POMT2: variants seen among roughly 807,000 people sequenced by gnomAD.
The protein encoded by POMT2 is protein O-mannosyltransferase 2, also known as protein O-mannosyl-transferase 2.
Under a neutral mutation model 100.0 loss-of-function variants are expected in POMT2, and 75 were observed. The observed-to-expected ratio is 0.75, with a 90% CI of 0.62 to 0.91. The LOEUF (loss-of-function observed/expected upper bound fraction) is 0.91, where lower values mean the gene tolerates loss of function less well. POMT2 is among the 40% of genes least tolerant of loss of function. The probability of loss-of-function intolerance (pLI) is 0.00; values close to 1 mark genes in which losing one functional copy is unlikely to be tolerated. For missense variants in POMT2, 940 were observed against 955.1 expected (o/e 0.98, Z 0.21); for synonymous variants, 378 against 374.1 (o/e 1.01, Z -0.12).
intron 9 of POMT2, among the ~76,000 whole-genome samples, chr14:77,292,546 C>T (rs562336258): frequency 1.3e-5 from 2 of 152,174 alleles, no homozygotes; most frequent in Non-Finnish European, 1.5e-5. Flanking sequence ...AGACTATATA[C>T]GTCCAATTAT....
At position 77,286,738 on chromosome 14, in the gene POMT2, A is replaced by G. The variant is rs753955096; in HGVS notation, c.1332+6T>C. 6.8e-6 allele frequency: 11 copies of G among 1,612,182 alleles called. No homozygotes were observed. In the South Asian group the frequency reaches 1.1e-4, roughly 16 times the overall value. ...CGTCCTACTCACATCCCCGTTGCTT[A>G]CTTACTATGCCATAGCCGGTGACCT... is the stretch of plus-strand genomic sequence containing the variant. On this transcript the variant is annotated splice_donor_region_variant and intron_variant, in intron 12 of 20. Coordinates refer to ENST00000261534, the MANE Select transcript of POMT2 (RefSeq NM_013382.7).
chr14:77,299,247 C>T (rs1566655009), intron 7 of POMT2, among the ~76,000 whole-genome samples: 1 of 152,196 alleles, frequency 6.6e-6, no homozygotes, highest in Admixed American at 6.5e-5. Flanking sequence ...ACGAAAATAG[C>T]TTCTTCCTTC....
intron 1 of POMT2, 28 bp downstream of exon 1, chr14:77,320,406 T>C: frequency 6.5e-7 from 1 of 1,544,764 alleles, no homozygotes; most frequent in Non-Finnish European, 8.7e-7. Flanking sequence ...GTTGCCATGG[T>C]GCCCGCCGAG....
Position 77,278,861 on chromosome 14 carries a change from G to A in POMT2, c.1900C>T (p.Gln634Ter), listed in dbSNP as rs1200536141. Residue 634 changes from glutamine to a stop codon, truncating the protein, a stop_gained, in exon 19 of 21, where the codon CAG becomes TAG. Coordinates refer to ENST00000261534, the MANE Select transcript of POMT2 (RefSeq NM_013382.7). LOFTEE classifies it high-confidence loss of function. The part of the protein sequence containing the change: ...RLPAEVAGLS[Q>*]VLLRGGGQVL... ...TGGCCGCCTCCTCGAAGCAGGACCT[G>A]GGACAACCCTGGGCCCAAGCAGCAC... 6.2e-6 allele frequency: 10 copies of A among 1,613,046 alleles called. No homozygotes were observed. The highest frequency in any genetic ancestry group is 8.5e-6 in the Non-Finnish European group (10 of 1,179,760).
intron 16 of POMT2, 61 bp from the exon 17 acceptor site, chr14:77,280,141 G>C: frequency 6.2e-7 from 1 of 1,612,184 alleles, no homozygotes; most frequent in Non-Finnish European, 8.5e-7. Flanking sequence ...ACACCCATTA[G>C]GGGGAGGAAG....
chr14:77,298,438 C>T (rs1055750479), intron 8 of POMT2, among the ~76,000 whole-genome samples: 1 of 152,216 alleles, frequency 6.6e-6, no homozygotes. Flanking sequence ...GAGTGACCTT[C>T]CCACAGAGCT....
At position 77,304,823 on chromosome 14, in the gene POMT2, G is replaced by A. The variant is rs771282239; in HGVS notation, c.439-23C>T. The A allele has an allele frequency of 8.3e-6, 13 of 1,566,522 alleles. No individual in the cohort carries two copies. The Middle Eastern group carries it at 5.3e-4, about 64-fold the overall frequency. ...GAACTGTGGGAGGAATAGAGAAGCT[G>A]TCAAATAACAAGCTGAGCTAGGTCA... On this transcript the variant is annotated intron_variant, in intron 3 of 20. Coordinates refer to ENST00000261534, the MANE Select transcript of POMT2 (RefSeq NM_013382.7).
chr14:77,314,442 C>T (rs1891554502), intron 1 of POMT2, among the ~76,000 whole-genome samples: 3 of 152,054 alleles, frequency 2.0e-5, no homozygotes, highest in Admixed American at 2.0e-4. Flanking sequence ...TGTCAGCATG[C>T]AAAAAACAGT....
At chr14:77,301,041 C>A (rs1408503926) in intron 6 of POMT2, 49 bp downstream of exon 6, 1 of 1,612,378 alleles carries the variant, frequency 6.2e-7, no homozygotes, top group Admixed American at 1.7e-5. Context: ...TCCTACTCAG[C>A]AACATCAGGG....
intron 2 of POMT2, among the ~76,000 whole-genome samples, chr14:77,310,363 T>C (rs113903573): frequency 0.024 from 3,705 of 152,300 alleles, 64 homozygotes; most frequent in Non-Finnish European, 0.034. Flanking sequence ...GATGAAACAA[T>C]ACCTACTTTA....
At chr14:77,288,904 AAC>A in intron 10 of POMT2, 73 bp from the exon 11 acceptor site, 1 of 1,280,546 alleles carries the variant, frequency 7.8e-7, no homozygotes, top group Admixed American at 1.7e-5. Flanking sequence ...CCTACTGGTA[AAC>A]AGTTATAGTA....
chr14:77,303,072 C>G (rs1891107265), intron 4 of POMT2, 129 bp from the exon 5 acceptor site: 1 of 740,812 alleles, frequency 1.3e-6, no homozygotes, highest in Admixed American at 2.0e-5. Flanking sequence ...GCAGTCAGGA[C>G]TAGAGTCAAC....
At chr14:77,302,519 C>T (rs1891077847) in intron 5 of POMT2, among the ~76,000 whole-genome samples, 1 of 152,120 alleles carries the variant, frequency 6.6e-6, no homozygotes, top group African/African-American at 2.4e-5. Context: ...ATTAGGACCC[C>T]CCATGATATC....
chr14:77,291,593 C>A (rs935861354), intron 9 of POMT2: 1 of 653,350 alleles, frequency 1.5e-6, no homozygotes, highest in Admixed American at 2.9e-5. Context: ...CATTTAGAAG[C>A]TTTGTCCCAC....
At chr14:77,304,618 G>C in intron 4 of POMT2, 74 bp downstream of exon 4, 1 of 1,541,560 alleles carries the variant, frequency 6.5e-7, no homozygotes, top group Non-Finnish European at 8.8e-7. Flanking sequence ...GCCCTTGAAT[G>C]TACTGATTTT....
chr14:77,286,982 C>T (rs1594891056), intron 11 of POMT2, 160 bp from the exon 12 acceptor site: 1 of 1,411,130 alleles, frequency 7.1e-7, no homozygotes, highest in African/African-American at 1.4e-5. Context: ...TATTTACTCA[C>T]AAGAAATATC....
At chr14:77,311,063 G>T (rs1341756585) in intron 2 of POMT2, among the ~76,000 whole-genome samples, 1 of 152,250 alleles carries the variant, frequency 6.6e-6, no homozygotes, top group Non-Finnish European at 1.5e-5. Flanking sequence ...AACTTGGGAA[G>T]CAGAAGTTGC....
chr14:77,293,979 A>C (rs72681229), intron 9 of POMT2, among the ~76,000 whole-genome samples: 2,994 of 152,226 alleles, frequency 0.02, 47 homozygotes, highest in Middle Eastern at 0.071. Context: ...ATGACTTAGA[A>C]TAATTTGGAC....
chr14:77,275,272 T>C lies in POMT2; in HGVS notation c.*2104A>G, dbSNP rs560044552. ...AGTTTGGGCATGGAGGAACAGAAAG[T>C]GGGCAGGGAATTCTCCTTGGCTCCT... On this transcript the variant is annotated 3_prime_UTR_variant, in exon 21 of 21. Transcript: ENST00000261534. 1 of 152,292 alleles carries C rather than the reference T, an allele frequency of 6.6e-6. No homozygotes were observed. The highest frequency in any genetic ancestry group is 2.1e-4 in the South Asian group (1 of 4,828). 9.4% of individuals were successfully genotyped at this position (152,292 alleles called of 1,614,324 possible).
Sources: allele counts gnomAD v4.1 joint callset (sites outside exome capture counted in the v4.1 genomes callset), GRCh38; gene constraint gnomAD v4.1.1; transcripts MANE v1.5; gene names NCBI Gene and HGNC (gene_info 2026-07-23, HGNC 2026-07-21).